Variants in IMMP2L observed in about 807,000 individuals in gnomAD.
The protein encoded by IMMP2L is inner mitochondrial membrane peptidase subunit 2, also known as mitochondrial inner membrane protease subunit 2.
In IMMP2L, 18 loss-of-function variants were observed where a neutral mutation model predicts 19.3. The ratio of observed to expected loss-of-function variants is 0.93; its 90% CI spans 0.64 to 1.38. The LOEUF (loss-of-function observed/expected upper bound fraction) is 1.38. Ranked by LOEUF, IMMP2L falls within the 40% of genes most tolerant of loss-of-function variation. The probability of loss-of-function intolerance (pLI) is 0.00; values close to 1 mark genes in which losing one functional copy is unlikely to be tolerated. For synonymous variants in IMMP2L, 76 were observed against 73.0 expected, an observed-to-expected ratio of 1.04 and a Z score of -0.21; for missense variants, 233 against 218.2, an observed-to-expected ratio of 1.07 and a Z score of -0.43.
chr7:111,242,227 A>T (rs1000101909), intron 3 of IMMP2L, among the ~76,000 whole-genome samples: 9 of 152,106 alleles, frequency 5.9e-5, no homozygotes, highest in African/African-American at 2.2e-4. Flanking sequence ...CTCAGTGATC[A>T]GTCAGTTCAG....
chr7:110,802,967 C>T (rs968277934), intron 5 of IMMP2L, among the ~76,000 whole-genome samples: 1 of 152,032 alleles, frequency 6.6e-6, no homozygotes, highest in African/African-American at 2.4e-5. Context: ...AAATAAATGG[C>T]CATTTTCAAT....
At chr7:111,436,522 TACAC>T (rs563500068) in intron 3 of IMMP2L, among the ~76,000 whole-genome samples, 3 of 149,138 alleles carry the variant, frequency 2.0e-5, no homozygotes, top group Non-Finnish European at 3.0e-5. Flanking sequence ...CACACACACA[TACAC>T]ACACACACAC....
intron 3 of IMMP2L, among the ~76,000 whole-genome samples, chr7:111,191,970 G>A (rs1808926813): frequency 1.3e-5 from 2 of 151,982 alleles, no homozygotes; most frequent in Admixed American, 1.3e-4. Flanking sequence ...GAGCCACATG[G>A]AAATCTGTGG....
At chr7:111,329,270 AG>A (rs1266978146) in intron 3 of IMMP2L, among the ~76,000 whole-genome samples, 1 of 151,878 alleles carries the variant, frequency 6.6e-6, no homozygotes, top group Non-Finnish European at 1.5e-5. Flanking sequence ...AAACAGGAAG[AG>A]GAAAAAAAAG....
chr7:110,925,330 G>A (rs898315319), intron 4 of IMMP2L, among the ~76,000 whole-genome samples: 5 of 152,018 alleles, frequency 3.3e-5, no homozygotes, highest in Non-Finnish European at 7.4e-5. Flanking sequence ...AAAGCATGTC[G>A]GAGGAGGCAT....
At chr7:111,087,955 A>G (rs1380154855) in intron 3 of IMMP2L, among the ~76,000 whole-genome samples, 1 of 152,196 alleles carries the variant, frequency 6.6e-6, no homozygotes, top group Non-Finnish European at 1.5e-5. Context: ...GAGAAAAATG[A>G]CATGCAGAGA....
At chr7:110,776,341 C>T (rs774933465) in intron 5 of IMMP2L, among the ~76,000 whole-genome samples, 1 of 151,938 alleles carries the variant, frequency 6.6e-6, no homozygotes, top group Non-Finnish European at 1.5e-5. Flanking sequence ...TTAAGAGAGG[C>T]GGTTTCCCAG....
intron 3 of IMMP2L, among the ~76,000 whole-genome samples, chr7:111,270,095 G>GTGTGTA (rs1270388370): frequency 2.0e-5 from 3 of 149,070 alleles, no homozygotes; most frequent in African/African-American, 7.5e-5. Context: ...GTGTGTGTGT[G>GTGTGTA]TATCCTCCCC....
At chr7:110,701,231 T>C (rs1217265101) in intron 5 of IMMP2L, among the ~76,000 whole-genome samples, 1 of 152,196 alleles carries the variant, frequency 6.6e-6, no homozygotes, top group Non-Finnish European at 1.5e-5. Context: ...GAAAATGGAA[T>C]ATTTACTATA....
rs140562485 is a variant in IMMP2L at position 111,400,917 on chromosome 7, G to GA, written c.239+86320dup. Among the ~76,000 whole-genome samples, 124 of 144,766 alleles carry GA rather than the reference G, an allele frequency of 8.6e-4. No individual in the cohort carries two copies. In the East Asian group the frequency reaches 0.011, roughly 13 times the overall value. The allele number at this position is 144,766 out of a possible 152,430, so 95.0% of individuals were successfully genotyped here. A position where few individuals can be genotyped will look rare whatever the true frequency, so the allele number is the denominator to read the frequency against. ...ATGATTTTGCAGTCATGCCAAAAAA[G>GA]AAAAAAAAAAGGATTATACTGATAA... On this transcript the variant is annotated intron_variant, in intron 3 of 5. Transcript: ENST00000405709.
intron 5 of IMMP2L, among the ~76,000 whole-genome samples, chr7:110,691,782 C>T (rs1267388157): frequency 6.6e-6 from 1 of 151,966 alleles, no homozygotes; most frequent in African/African-American, 2.4e-5. Flanking sequence ...GCCAAGATGG[C>T]CATTATTAAA....
intron 4 of IMMP2L, among the ~76,000 whole-genome samples, chr7:110,917,862 A>G (rs1333538075): frequency 6.6e-6 from 1 of 152,230 alleles, no homozygotes; most frequent in Non-Finnish European, 1.5e-5. Flanking sequence ...AAAATATTAT[A>G]AATTTATGGG....
At chr7:111,289,897 A>T (rs1381451777) in intron 3 of IMMP2L, among the ~76,000 whole-genome samples, 1 of 151,974 alleles carries the variant, frequency 6.6e-6, no homozygotes, top group Non-Finnish European at 1.5e-5. Flanking sequence ...GGTTTTACAT[A>T]AATTTAAAGG....
intron 5 of IMMP2L, among the ~76,000 whole-genome samples, chr7:110,857,764 T>C (rs1298671218): frequency 6.6e-6 from 1 of 152,072 alleles, no homozygotes; most frequent in Non-Finnish European, 1.5e-5. Flanking sequence ...TCATACAACT[T>C]CATTATTTGA....
intron 5 of IMMP2L, among the ~76,000 whole-genome samples, chr7:110,824,435 T>A (rs1346174594): frequency 6.6e-6 from 1 of 152,130 alleles, no homozygotes; most frequent in Non-Finnish European, 1.5e-5. Context: ...ATTTTTAATG[T>A]TTGCAAAATA....
At chr7:111,420,120 T>C (rs979034803) in intron 3 of IMMP2L, among the ~76,000 whole-genome samples, 1 of 151,880 alleles carries the variant, frequency 6.6e-6, no homozygotes, top group Non-Finnish European at 1.5e-5. Flanking sequence ...ATAAAAATGT[T>C]TCAATTGTTC....
At chr7:111,449,026 G>A (rs897378707) in intron 3 of IMMP2L, among the ~76,000 whole-genome samples, 2 of 151,284 alleles carry the variant, frequency 1.3e-5, no homozygotes, top group Non-Finnish European at 2.9e-5. Flanking sequence ...TTGAATCTCT[G>A]AATAGACCAA....
At chr7:111,257,998 T>C (rs1477448527) in intron 3 of IMMP2L, among the ~76,000 whole-genome samples, 2 of 152,056 alleles carry the variant, frequency 1.3e-5, no homozygotes, top group African/African-American at 2.4e-5. Context: ...GTTTTCATTG[T>C]TCAACTCCAC....
At chr7:111,387,023 A>T (rs909199906) in intron 3 of IMMP2L, among the ~76,000 whole-genome samples, 1 of 152,216 alleles carries the variant, frequency 6.6e-6, no homozygotes, top group Non-Finnish European at 1.5e-5. Flanking sequence ...CATAGCACTT[A>T]TTCAAAAATA....
Sources: allele counts gnomAD v4.1 joint callset (sites outside exome capture counted in the v4.1 genomes callset), GRCh38; gene constraint gnomAD v4.1.1; transcripts MANE v1.5; gene names NCBI Gene and HGNC (gene_info 2026-07-23, HGNC 2026-07-21).